Variants in DPH6 observed in about 807,000 individuals in gnomAD.
The protein encoded by DPH6 is diphthamine biosynthesis 6.
Under a neutral mutation model 38.2 loss-of-function variants are expected in DPH6, and 33 were observed. That is an observed-to-expected ratio of 0.86 (90% confidence interval 0.65 to 1.15). DPH6 has a LOEUF of 1.15. DPH6 is among the 50% of genes most tolerant of loss of function. The pLI is 0.00. For synonymous variants in DPH6, 108 were observed against 103.0 expected (o/e 1.05, Z -0.30); for missense variants, 325 against 320.0 (o/e 1.02, Z -0.12).
the DPH6 span, among the ~76,000 whole-genome samples, chr15:35,183,640 A>G: frequency 1.3e-5 from 2 of 152,238 alleles, no homozygotes; most frequent in African/African-American, 2.4e-5. Flanking sequence ...AACTTCCTTC[A>G]TATGTCATGT....
At chr15:35,386,948 T>A (rs1276318306) in intron 6 of DPH6, among the ~76,000 whole-genome samples, 1 of 152,194 alleles carries the variant, frequency 6.6e-6, no homozygotes, top group East Asian at 1.9e-4. Context: ...ATGCCTAGGT[T>A]TTCTTCTAGG....
chr15:35,255,695 C>T (rs1400031323), intron 3 of DPH6, among the ~76,000 whole-genome samples: 2 of 152,152 alleles, frequency 1.3e-5, no homozygotes, highest in Admixed American at 6.5e-5. Flanking sequence ...CTCATAGAGC[C>T]TTTAGTAAAG....
rs376455636 is a variant in DPH6 at position 35,462,215 on chromosome 15, C to CTAA, written c.313-7396_313-7395insTTA. Among the ~76,000 whole-genome samples, 521 of 152,208 alleles carry CTAA rather than the reference C, an allele frequency of 3.4e-3. 8 individuals are homozygous for CTAA. The highest frequency in any genetic ancestry group is 0.012 in the African/African-American group (493 of 41,516). ...CCACCACCCCTTAATTTGACTATTA[C>CTAA]CATAGCTTCCTAACTGGCCTCCCTA... On this transcript the variant is annotated intron_variant, in intron 3 of 8. Coordinates refer to ENST00000256538, the MANE Select transcript of DPH6 (RefSeq NM_080650.4).
chr15:35,365,738 C>A (rs773244660), intron 3 of DPH6: 13 of 976,930 alleles, frequency 1.3e-5, no homozygotes, highest in Non-Finnish European at 1.6e-5. Context: ...TTGCTACTAC[C>A]AAAGTCCATT....
intron 3 of DPH6, among the ~76,000 whole-genome samples, chr15:35,525,672 TACA>T (rs1348673952): frequency 6.6e-6 from 1 of 151,964 alleles, no homozygotes; most frequent in Non-Finnish European, 1.5e-5. Context: ...ACCTCACCTC[TACA>T]AAAAAAATAC....
chr15:35,200,706 C>T, the DPH6 span, among the ~76,000 whole-genome samples: 3 of 151,548 alleles, frequency 2.0e-5, no homozygotes, highest in Non-Finnish European at 2.9e-5. Flanking sequence ...AAAACAACAA[C>T]ATCCATGCAT....
At chr15:35,285,343 G>C (rs1346819638) in intron 3 of DPH6, among the ~76,000 whole-genome samples, 1 of 152,108 alleles carries the variant, frequency 6.6e-6, no homozygotes, top group Non-Finnish European at 1.5e-5. Flanking sequence ...GAGGGACCTA[G>C]TGGGAGGTAA....
chr15:35,541,126 C>T (rs933120396), intron 2 of DPH6, among the ~76,000 whole-genome samples: 2 of 152,082 alleles, frequency 1.3e-5, no homozygotes, highest in Non-Finnish European at 2.9e-5. Context: ...TCATCAATTG[C>T]AGCACAAAAT....
At chr15:35,403,087 C>T (rs1334937917) in intron 6 of DPH6, among the ~76,000 whole-genome samples, 1 of 151,920 alleles carries the variant, frequency 6.6e-6, no homozygotes, top group African/African-American at 2.4e-5. Context: ...AGTTGAATCC[C>T]ATTATGTAAA....
At chr15:35,511,019 T>A (rs2054762140) in intron 3 of DPH6, among the ~76,000 whole-genome samples, 1 of 152,192 alleles carries the variant, frequency 6.6e-6, no homozygotes, top group Non-Finnish European at 1.5e-5. Flanking sequence ...AACCAGAGTC[T>A]AAAACCTGAC....
At chr15:35,269,606 T>G (rs1453918498) in intron 3 of DPH6, among the ~76,000 whole-genome samples, 1 of 150,258 alleles carries the variant, frequency 6.7e-6, no homozygotes, top group Admixed American at 6.7e-5. Context: ...CCGGCTAATT[T>G]TTTTTGTACT....
intron 3 of DPH6, among the ~76,000 whole-genome samples, chr15:35,324,526 A>G (rs2052266903): frequency 6.8e-6 from 1 of 146,458 alleles, no homozygotes; most frequent in African/African-American, 2.6e-5. Flanking sequence ...CAGTTCGCTT[A>G]CGACTTCTAA....
Position 35,275,726 on chromosome 15 carries a change from A to AAT in DPH6, n.201-55145_201-55144insAT, listed in dbSNP as rs1555390648. 1.1e-3 allele frequency among the ~76,000 whole-genome samples: 172 copies of AAT among 152,034 alleles called. 1 individual carries two copies. Among genetic ancestry groups the AAT allele is most frequent in the African/African-American group, 4.0e-3 (165 of 41,456 alleles). On this transcript the variant is annotated intron_variant and non_coding_transcript_variant, in intron 3 of 3. Transcript: ENST00000560386. ...CAGACCTTAAAGTAAAAAAAAAAAA[A>AAT]AATAATAATATTAGTCTTCAATCTC...
At chr15:35,446,297 G>C (rs2053852598) in intron 5 of DPH6, among the ~76,000 whole-genome samples, 1 of 141,304 alleles carries the variant, frequency 7.1e-6, no homozygotes, top group African/African-American at 2.7e-5. Context: ...GAGGTGCAAA[G>C]ACAGCTCACT....
chr15:35,305,672 TAGAC>T (rs1273143768), intron 3 of DPH6, among the ~76,000 whole-genome samples: 3 of 152,254 alleles, frequency 2.0e-5, no homozygotes, highest in Admixed American at 6.5e-5. Flanking sequence ...AGATCTCACA[TAGAC>T]AGAATTCTAT....
chr15:35,470,559 G>C (rs1444592271), intron 3 of DPH6, among the ~76,000 whole-genome samples: 1 of 152,090 alleles, frequency 6.6e-6, no homozygotes, highest in Non-Finnish European at 1.5e-5. Context: ...AAAGAACGTG[G>C]GATCAAGGAG....
chr15:35,373,996 C>T (rs990373494), intron 7 of DPH6, among the ~76,000 whole-genome samples: 1 of 151,940 alleles, frequency 6.6e-6, no homozygotes, highest in Non-Finnish European at 1.5e-5. Flanking sequence ...AGAGGTAATT[C>T]ATTCAATGTT....
At chr15:35,347,548 G>A (rs1239346058) in intron 3 of DPH6, among the ~76,000 whole-genome samples, 1 of 151,602 alleles carries the variant, frequency 6.6e-6, no homozygotes, top group African/African-American at 2.4e-5. Flanking sequence ...TAGACATTTA[G>A]GTTGCTTCCA....
At chr15:35,299,975 G>C (rs966658893) in intron 3 of DPH6, among the ~76,000 whole-genome samples, 1 of 152,188 alleles carries the variant, frequency 6.6e-6, no homozygotes, top group Non-Finnish European at 1.5e-5. Flanking sequence ...AACACGCGGA[G>C]ACCAGTGAGG....
Sources: allele counts gnomAD v4.1 joint callset (sites outside exome capture counted in the v4.1 genomes callset), GRCh38; gene constraint gnomAD v4.1.1; transcripts MANE v1.5; gene names NCBI Gene and HGNC (gene_info 2026-07-23, HGNC 2026-07-21).